DAB1: variants seen among roughly 807,000 people sequenced by gnomAD.
DAB1 encodes disabled homolog 1.
DAB1 carries 15 observed loss-of-function variants against 64.6 expected under a neutral mutation model. That is an observed-to-expected ratio of 0.23 (90% confidence interval 0.16 to 0.36). The LOEUF (loss-of-function observed/expected upper bound fraction) is 0.36, where lower values mean the gene tolerates loss of function less well. Ranked by LOEUF, DAB1 falls within the 10% of genes least tolerant of loss-of-function variation. The probability of loss-of-function intolerance (pLI) is 1.00; values close to 1 mark genes in which losing one functional copy is unlikely to be tolerated. For synonymous variants in DAB1, 235 were observed against 251.9 expected (o/e 0.93, Z 0.64); for missense variants, 596 against 706.7 (o/e 0.84, Z 1.78).
intron 9 of DAB1, among the ~76,000 whole-genome samples, chr1:57,058,817 C>G (rs943366315): frequency 6.6e-6 from 1 of 152,198 alleles, no homozygotes; most frequent in African/African-American, 2.4e-5. Context: ...AGGTTACTAC[C>G]ACAGTCCTCA....
chr1:57,706,391 A>C (rs1034667687), intron 6 of DAB1, among the ~76,000 whole-genome samples: 1 of 151,786 alleles, frequency 6.6e-6, no homozygotes, highest in Non-Finnish European at 1.5e-5. Flanking sequence ...CTGCACCCTC[A>C]ACCTCCCCAG....
chr1:57,709,904 T>C (rs1018277467), intron 6 of DAB1, among the ~76,000 whole-genome samples: 8 of 152,156 alleles, frequency 5.3e-5, no homozygotes, highest in Admixed American at 5.2e-4. Context: ...AGCCCCTTTT[T>C]ATTGGCACGG....
intron 2 of DAB1, among the ~76,000 whole-genome samples, chr1:57,213,804 C>T (rs1165822600): frequency 6.6e-6 from 1 of 152,154 alleles, no homozygotes; most frequent in East Asian, 1.9e-4. Flanking sequence ...CTTTTGCTTG[C>T]TTGTTATTTT....
intron 4 of DAB1, among the ~76,000 whole-genome samples, chr1:58,206,386 C>T (rs907583498): frequency 2.0e-5 from 3 of 152,154 alleles, no homozygotes; most frequent in African/African-American, 7.2e-5. Context: ...GGAAAGTATG[C>T]AGCTATTTTT....
chr1:57,631,908 G>C (rs1268989514), intron 7 of DAB1, among the ~76,000 whole-genome samples: 1 of 152,126 alleles, frequency 6.6e-6, no homozygotes, highest in South Asian at 2.1e-4. Context: ...CATGTTACCA[G>C]GACACAGGAC....
intron 7 of DAB1, among the ~76,000 whole-genome samples, chr1:57,577,709 T>C (rs983368302): frequency 6.6e-6 from 1 of 152,174 alleles, no homozygotes; most frequent in Non-Finnish European, 1.5e-5. Flanking sequence ...TGCAGATTCC[T>C]GAGCTCCACA....
intron 6 of DAB1, among the ~76,000 whole-genome samples, chr1:57,767,357 T>C (rs1257898173): frequency 6.6e-6 from 1 of 152,176 alleles, no homozygotes; most frequent in Non-Finnish European, 1.5e-5. Flanking sequence ...TCCAAGAGTT[T>C]TAGGAGCTGT....
At chr1:58,066,893 C>G (rs1244198042) in intron 5 of DAB1, among the ~76,000 whole-genome samples, 1 of 152,140 alleles carries the variant, frequency 6.6e-6, no homozygotes, top group African/African-American at 2.4e-5. Context: ...TGCTGAATAC[C>G]TTCAGCGACT....
intron 7 of DAB1, among the ~76,000 whole-genome samples, chr1:57,530,815 A>T (rs1644653924): frequency 6.6e-6 from 1 of 152,184 alleles, no homozygotes; most frequent in Non-Finnish European, 1.5e-5. Context: ...CAATTAAATG[A>T]TACAGGAAGG....
chr1:58,364,582 G>A (rs1266280007), intron 3 of DAB1, among the ~76,000 whole-genome samples: 2 of 152,012 alleles, frequency 1.3e-5, no homozygotes, highest in Non-Finnish European at 2.9e-5. Flanking sequence ...TTGCATATTT[G>A]AACTTAGTCA....
At chr1:58,216,187 AC>A (rs988924164) in intron 4 of DAB1, among the ~76,000 whole-genome samples, 3 of 148,464 alleles carry the variant, frequency 2.0e-5, no homozygotes, top group Non-Finnish European at 4.5e-5. Context: ...CTTAGCCCCC[AC>A]CCCCCAACAG....
chr1:58,408,414 A>G (rs192442448), intron 3 of DAB1, among the ~76,000 whole-genome samples: 26 of 152,268 alleles, frequency 1.7e-4, no homozygotes, highest in African/African-American at 6.0e-4. Context: ...ATTTCATTAT[A>G]TGGTAAGTTA....
chr1:57,432,649 G>A (rs1340303853), intron 7 of DAB1, among the ~76,000 whole-genome samples: 3 of 152,194 alleles, frequency 2.0e-5, no homozygotes, highest in Non-Finnish European at 4.4e-5. Context: ...GTTTAGCCAT[G>A]CCAGAAGCCA....
intron 6 of DAB1, among the ~76,000 whole-genome samples, chr1:57,745,953 G>T (rs1011893518): frequency 6.6e-6 from 1 of 152,158 alleles, no homozygotes; most frequent in African/African-American, 2.4e-5. Flanking sequence ...TTCATGAACA[G>T]TATTATACTG....
intron 2 of DAB1, among the ~76,000 whole-genome samples, chr1:57,248,466 A>G (rs1250000932): frequency 1.3e-5 from 2 of 152,168 alleles, no homozygotes; most frequent in Non-Finnish European, 1.5e-5. Context: ...AATAGTATAT[A>G]TTCATTAAAT....
intron 1 of DAB1, among the ~76,000 whole-genome samples, chr1:57,362,261 T>A (rs1314357587): frequency 6.6e-6 from 1 of 152,122 alleles, no homozygotes; most frequent in African/African-American, 2.4e-5. Context: ...TTACAATAAT[T>A]AGATTAAGCC....
At chr1:57,566,618 C>T (rs1186000460) in intron 7 of DAB1, among the ~76,000 whole-genome samples, 1 of 152,160 alleles carries the variant, frequency 6.6e-6, no homozygotes, top group Non-Finnish European at 1.5e-5. Flanking sequence ...CACAGAAATA[C>T]AAACTACCAT....
chr1:57,904,030 T>C (rs150263929), intron 5 of DAB1, among the ~76,000 whole-genome samples: 1 of 152,314 alleles, frequency 6.6e-6, no homozygotes, highest in East Asian at 1.9e-4. Context: ...CCTTTGTACT[T>C]CATGCTCTGG....
chr1:57,993,642 G>A (rs1379725999), intron 5 of DAB1, among the ~76,000 whole-genome samples: 8 of 152,192 alleles, frequency 5.3e-5, no homozygotes, highest in Non-Finnish European at 1.0e-4. Flanking sequence ...AAATGACACG[G>A]TTTTAGTGGA....
Sources: gnomAD v4.1 joint callset for allele counts (sites outside exome capture counted in the v4.1 genomes callset) on GRCh38, gnomAD v4.1.1 for gene constraint, MANE v1.5 for transcripts, NCBI Gene and HGNC (gene_info 2026-07-23, HGNC 2026-07-21) for gene names.